Variants in LIMK2 observed in about 807,000 individuals in gnomAD.
LIMK2 encodes LIM domain kinase 2.
In LIMK2, 35 loss-of-function variants were observed where a neutral mutation model predicts 75.7. That is an observed-to-expected ratio of 0.46 (90% CI 0.35 to 0.61). The LOEUF (loss-of-function observed/expected upper bound fraction) is 0.61. Among genes scored for constraint, LIMK2 ranks in the 20% least tolerant of loss-of-function variants. LIMK2 has a pLI of 0.00. For synonymous variants in LIMK2, 301 were observed against 319.2 expected, an observed-to-expected ratio of 0.94 and a Z score of 0.61; for missense variants, 623 against 831.0, an observed-to-expected ratio of 0.75 and a Z score of 3.08.
chr22:31,275,190 C>A lies in LIMK2; in HGVS notation c.1654C>A (p.Arg552=). Residue 552 remains arginine, a synonymous_variant, in exon 15 of 16, where the codon CGA becomes AGA. Coordinates refer to ENST00000331728, the MANE Select transcript of LIMK2 (RefSeq NM_005569.4). Reference sequence around the variant, plus strand: ...GTATGCAGATCCTGACTGCCTTCCCCGAACACTGGACTTTGGCCTCAACGT... The same window carrying A: ...GTATGCAGATCCTGACTGCCTTCCCAGAACACTGGACTTTGGCCTCAACGT... ...QVYADPDCLP[R]TLDFGLNVKL... The A allele has an allele frequency of 6.2e-7, 1 of 1,614,184 alleles. No individual in the cohort carries two copies.
At chr22:31,245,379 G>A (rs540301766) in intron 2 of LIMK2, among the ~76,000 whole-genome samples, 1 of 152,082 alleles carries the variant, frequency 6.6e-6, no homozygotes, top group East Asian at 1.9e-4. Context: ...TCAGCTCACC[G>A]CAACCTCTGC....
Position 31,262,027 on chromosome 22 carries a change from G to A in LIMK2, c.552-107G>A. On this transcript the variant is annotated intron_variant, in intron 5 of 15. Coordinates refer to ENST00000331728, the MANE Select transcript of LIMK2 (RefSeq NM_005569.4). This position sits in a 1 kb window ranked among gnomAD's most constrained non-coding sequence, Gnocchi z 5.0. ...CTGTGTGGGTATCCTGGGCCCCTTA[G>A]GGGCCACTGGTGGCCTGGGACCTGG... 1 of 846,906 alleles carries A rather than the reference G, an allele frequency of 1.2e-6. No individual in the cohort carries two copies. Among genetic ancestry groups the A allele is most frequent in the Non-Finnish European group, 2.0e-6 (1 of 496,076 alleles). The allele number at this position is 846,906 out of a possible 1,614,324, so 52.5% of individuals were successfully genotyped here. A position where few individuals can be genotyped will look rare whatever the true frequency, so the allele number is the denominator to read the frequency against.
chr22:31,212,305 C>A lies in LIMK2; in HGVS notation c.-104C>A. 1.6e-6 allele frequency: 2 copies of A among 1,228,380 alleles called. No individual in the cohort carries two copies. Among genetic ancestry groups the A allele is most frequent in the Non-Finnish European group, 2.1e-6 (2 of 959,676 alleles). 76.1% of individuals were successfully genotyped at this position (1,228,380 alleles called of 1,614,324 possible). ...TTCGCGCCTGGGGCTGTGGTCTTCCCGCGCCTGAGGCGGCGGCGGCAGGAG... is the reference window on the plus strand; with the variant it reads ...TTCGCGCCTGGGGCTGTGGTCTTCCAGCGCCTGAGGCGGCGGCGGCAGGAG... On this transcript the variant is annotated 5_prime_UTR_variant, in exon 1 of 16. Transcript: ENST00000331728.
chr22:31,244,138 G>A (rs1422291675), intron 2 of LIMK2, among the ~76,000 whole-genome samples: 3 of 152,164 alleles, frequency 2.0e-5, no homozygotes, highest in Non-Finnish European at 4.4e-5. Flanking sequence ...AGAGGAGAGC[G>A]CCTGCAGCCT....
chr22:31,213,013 C>T (rs1255655969), intron 1 of LIMK2, among the ~76,000 whole-genome samples: 2 of 151,950 alleles, frequency 1.3e-5, no homozygotes, highest in African/African-American at 4.8e-5. Flanking sequence ...GTATGGAGCC[C>T]CTTGAGGTTT....
rs540918847 is a variant in LIMK2 at position 31,250,914 on chromosome 22, G to A, written c.117-7377G>A. Reference sequence around the variant, plus strand: ...CTCTGGGGGAGTACAAAGTCTATGGGAGTTCTGGGGCTGTGGTTGCAAGGA... The same window carrying A: ...CTCTGGGGGAGTACAAAGTCTATGGAAGTTCTGGGGCTGTGGTTGCAAGGA... On this transcript the variant is annotated intron_variant, in intron 2 of 15. Transcript: ENST00000331728. Among the ~76,000 whole-genome samples the A allele has an allele frequency of 5.9e-5, 9 of 152,314 alleles. No homozygotes were observed. In the East Asian group the frequency reaches 1.7e-3, roughly 29 times the overall value.
At chr22:31,269,283 TTTC>T in intron 11 of LIMK2, among the ~76,000 whole-genome samples, 1 of 150,180 alleles carries the variant, frequency 6.7e-6, no homozygotes, top group African/African-American at 2.5e-5. Flanking sequence ...TGAATTTTTT[TTTC>T]TTTTTTTTTT....
chr22:31,278,239 C>T (rs2049051599), intron 15 of LIMK2, 58 bp from the exon 16 acceptor site: 4 of 1,493,906 alleles, frequency 2.7e-6, no homozygotes, highest in Non-Finnish European at 3.7e-6. Context: ...TCCCTTCCAC[C>T]CACCCCATGG....
chr22:31,237,107 C>A (rs1453739215), intron 2 of LIMK2, among the ~76,000 whole-genome samples: 2 of 142,832 alleles, frequency 1.4e-5, no homozygotes, highest in Admixed American at 1.4e-4. Flanking sequence ...TAAAAATACA[C>A]AAAATTAGCC....
chr22:31,248,745 A>C, intron 2 of LIMK2: 1 of 1,614,122 alleles, frequency 6.2e-7, no homozygotes, highest in Non-Finnish European at 8.5e-7. Context: ...GTCCCGGCTT[A>C]CTTCACCTCC....
intron 2 of LIMK2, among the ~76,000 whole-genome samples, chr22:31,244,870 A>G (rs2048653579): frequency 6.6e-6 from 1 of 152,216 alleles, no homozygotes; most frequent in African/African-American, 2.4e-5. Flanking sequence ...GCTTTGGTAT[A>G]GCATGGTAGA....
chr22:31,218,139 T>C (rs2048403484), intron 1 of LIMK2, among the ~76,000 whole-genome samples: 1 of 152,206 alleles, frequency 6.6e-6, no homozygotes, highest in Non-Finnish European at 1.5e-5. Context: ...ATGGGAGATA[T>C]TTTCACATCT....
intron 1 of LIMK2, among the ~76,000 whole-genome samples, chr22:31,221,640 A>T (rs2048435582): frequency 6.6e-6 from 1 of 151,870 alleles, no homozygotes; most frequent in African/African-American, 2.4e-5. Context: ...GCCCACCACC[A>T]TGCCTGGCTA....
At chr22:31,276,448 CGCTTCG>C (rs982861143) in intron 15 of LIMK2, among the ~76,000 whole-genome samples, 42 of 121,544 alleles carry the variant, frequency 3.5e-4, no homozygotes, top group African/African-American at 1.0e-3. Flanking sequence ...ATAGAGAAAG[CGCTTCG>C]GCGGCGGCAG....
At chr22:31,232,136 T>G (rs1386444163) in intron 2 of LIMK2, among the ~76,000 whole-genome samples, 1 of 151,076 alleles carries the variant, frequency 6.6e-6, no homozygotes, top group Non-Finnish European at 1.5e-5. Context: ...CATTTTATAC[T>G]AAAACAGGAA....
rs1201930300 is a variant in LIMK2 at position 31,279,502 on chromosome 22, TGAGA to T, written c.*1066_*1069del. 2 of 152,274 alleles carry T rather than the reference TGAGA, an allele frequency of 1.3e-5. No individual in the cohort carries two copies. The highest frequency in any genetic ancestry group is 4.1e-4 in the South Asian group (2 of 4,836). 9.4% of individuals were successfully genotyped at this position (152,274 alleles called of 1,614,324 possible). Reference sequence around the variant, plus strand: ...TGGCAGAGTCTCAAAGCTGAGATGCTGAGAGAGATAGCTCCCTGAGCTGGGCCAT... The same window carrying T: ...TGGCAGAGTCTCAAAGCTGAGATGCTGAGATAGCTCCCTGAGCTGGGCCAT... On this transcript the variant is annotated 3_prime_UTR_variant, in exon 16 of 16. Coordinates refer to ENST00000331728, the MANE Select transcript of LIMK2 (RefSeq NM_005569.4).
intron 2 of LIMK2, among the ~76,000 whole-genome samples, chr22:31,250,019 C>T (rs1251189193): frequency 6.6e-6 from 1 of 152,178 alleles, no homozygotes; most frequent in Admixed American, 6.5e-5. Flanking sequence ...TCCTGACTTT[C>T]TCTCATCCTT....
At position 31,246,129 on chromosome 22, in the gene LIMK2, C is replaced by T. The variant is rs111985444; in HGVS notation, c.117-12162C>T. On this transcript the variant is annotated intron_variant, in intron 2 of 15. Transcript: ENST00000331728. ...CGGAGGTTGCAGTGAGCCAAGATCG[C>T]GACACTACACTGCAGCCTGGGCAAC... Among the ~76,000 whole-genome samples, 113 of 150,218 alleles carry T rather than the reference C, an allele frequency of 7.5e-4. 4 individuals carry two copies. The highest frequency in any genetic ancestry group is 4.0e-3 in the East Asian group (20 of 5,030).
chr22:31,246,673 A>T (rs1054882654), intron 2 of LIMK2, among the ~76,000 whole-genome samples: 4 of 150,840 alleles, frequency 2.7e-5, no homozygotes, highest in African/African-American at 9.7e-5. Flanking sequence ...GGATCACTTG[A>T]GTCCAGAAGG....
Sources: allele counts gnomAD v4.1 joint callset (sites outside exome capture counted in the v4.1 genomes callset), GRCh38; gene constraint gnomAD v4.1.1; non-coding constraint Gnocchi (gnomAD v3.1); transcripts MANE v1.5; gene names NCBI Gene and HGNC (gene_info 2026-07-23, HGNC 2026-07-21).